CUX1: variants seen among roughly 807,000 people sequenced by gnomAD.
CUX1 encodes protein CASP.
CUX1 carries 31 observed loss-of-function variants against 158.8 expected under a neutral mutation model. The ratio of observed to expected loss-of-function variants is 0.20; its 90% confidence interval spans 0.15 to 0.26. CUX1 has a LOEUF of 0.26. CUX1 is among the 10% of genes least tolerant of loss of function. The pLI is 1.00. For missense variants in CUX1, 1,589 were observed against 2,014.6 expected, an observed-to-expected ratio of 0.79 and a Z score of 4.04; for synonymous variants, 879 against 862.1, an observed-to-expected ratio of 1.02 and a Z score of -0.34.
intron 1 of CUX1, among the ~76,000 whole-genome samples, chr7:101,904,117 A>AACACAAACACACACAC (rs1802476449): frequency 7.0e-6 from 1 of 143,768 alleles, no homozygotes; most frequent in African/African-American, 2.6e-5. Flanking sequence ...GTCTTTACAA[A>AACACAAACACACACAC]ACACACACAC....
chr7:101,915,512 G>T (rs1461112016), intron 1 of CUX1, among the ~76,000 whole-genome samples: 1 of 152,174 alleles, frequency 6.6e-6, no homozygotes, highest in Non-Finnish European at 1.5e-5. Flanking sequence ...CCTTTTAAAG[G>T]TCCCTCTTGA....
At chr7:102,176,489 C>T (rs923024560) in intron 10 of CUX1, among the ~76,000 whole-genome samples, 10 of 151,892 alleles carry the variant, frequency 6.6e-5, no homozygotes, top group Admixed American at 1.3e-4. Flanking sequence ...CCCCTGTCCC[C>T]GTCTGTCATG....
chr7:102,159,738 A>C (rs1180508499), intron 9 of CUX1, among the ~76,000 whole-genome samples: 1 of 151,830 alleles, frequency 6.6e-6, no homozygotes, highest in Non-Finnish European at 1.5e-5. Flanking sequence ...GCAGGCGCCT[A>C]TAATCTCAGC....
At chr7:102,105,200 CACACACACACACACAG>C (rs1830204560) in intron 6 of CUX1, among the ~76,000 whole-genome samples, 1 of 152,078 alleles carries the variant, frequency 6.6e-6, no homozygotes, top group South Asian at 2.1e-4. Context: ...CACACACACA[CACACACACACACACAG>C]ACTCTCTGAT....
At chr7:102,169,851 G>T (rs782607786) in intron 9 of CUX1, among the ~76,000 whole-genome samples, 14 of 152,142 alleles carry the variant, frequency 9.2e-5, no homozygotes, top group Non-Finnish European at 1.9e-4. Flanking sequence ...CCTCGGATTG[G>T]CCTGGTTGGC....
At chr7:102,092,077 A>G (rs1828640102) in intron 4 of CUX1, among the ~76,000 whole-genome samples, 1 of 152,224 alleles carries the variant, frequency 6.6e-6, no homozygotes, top group African/African-American at 2.4e-5. Flanking sequence ...TTGACAGGAA[A>G]AGAATTGCAT....
intron 8 of CUX1, among the ~76,000 whole-genome samples, chr7:102,143,908 G>A (rs1040546639): frequency 2.6e-5 from 4 of 151,868 alleles, no homozygotes; most frequent in East Asian, 3.9e-4. Context: ...TCAGCCTCCC[G>A]AGTAGCTGGA....
intron 2 of CUX1, among the ~76,000 whole-genome samples, chr7:101,917,434 C>T (rs577776650): frequency 1.2e-4 from 19 of 152,254 alleles, no homozygotes; most frequent in Admixed American, 5.9e-4. Context: ...ATCTCACACC[C>T]GCTGCTTGCC....
chr7:102,052,197 G>A (rs1170866686), intron 3 of CUX1, among the ~76,000 whole-genome samples: 1 of 152,054 alleles, frequency 6.6e-6, no homozygotes, highest in Non-Finnish European at 1.5e-5. Flanking sequence ...CTCCAGCCTG[G>A]GTAACAGAGT....
Position 102,249,253 on chromosome 7 carries a change from C to G in CUX1, c.*211C>G, listed in dbSNP as rs561513102. 85 of 1,074,914 alleles carry G rather than the reference C, an allele frequency of 7.9e-5. No individual in the cohort carries two copies. In the African/African-American group the frequency reaches 1.3e-3, roughly 16 times the overall value. The allele number at this position is 1,074,914 out of a possible 1,614,324, so 66.6% of individuals were successfully genotyped here. On this transcript the variant is annotated 3_prime_UTR_variant, in exon 24 of 24. Coordinates refer to ENST00000292535, the MANE Select transcript of CUX1 (RefSeq NM_181552.4). ...GATCCAAGGCCGCGGCCCAGACCCA[C>G]TCTGCGGCCCGGGCCGACCCTGCGG...
At chr7:102,225,061 A>G (rs1798209050) in intron 20 of CUX1, among the ~76,000 whole-genome samples, 1 of 152,168 alleles carries the variant, frequency 6.6e-6, no homozygotes, top group Non-Finnish European at 1.5e-5. Context: ...GGGGTTTTAT[A>G]TCCAGTTCTC....
At chr7:101,990,426 G>C (rs1313140984) in intron 2 of CUX1, among the ~76,000 whole-genome samples, 1 of 151,904 alleles carries the variant, frequency 6.6e-6, no homozygotes, top group Non-Finnish European at 1.5e-5. Flanking sequence ...ACCCAGGCTG[G>C]AGTGCAGTGG....
chr7:101,896,631 A>G (rs147849356), intron 1 of CUX1, among the ~76,000 whole-genome samples: 135 of 152,352 alleles, frequency 8.9e-4, no homozygotes, highest in African/African-American at 3.1e-3. Flanking sequence ...ACCGTCACTA[A>G]TATTTTTGGT....
At chr7:102,095,896 G>A (rs1554483946) in intron 4 of CUX1, among the ~76,000 whole-genome samples, 1 of 152,238 alleles carries the variant, frequency 6.6e-6, no homozygotes, top group Non-Finnish European at 1.5e-5. Flanking sequence ...CCAGCAGGCG[G>A]AATATAATTG....
chr7:101,846,300 C>T lies in CUX1; in HGVS notation c.30+28631C>T, dbSNP rs181273669. Among the ~76,000 whole-genome samples the T allele has an allele frequency of 1.2e-3, 176 of 152,144 alleles. 2 individuals are homozygous for T. The highest frequency in any genetic ancestry group is 2.9e-3 in the South Asian group (14 of 4,814). On this transcript the variant is annotated intron_variant, in intron 1 of 23. Coordinates refer to ENST00000292535, the MANE Select transcript of CUX1 (RefSeq NM_181552.4). ...ACAGGGGAGTTCCCGAGCCCTTTTCCAAGCCGCTTTTAAATGCAACTCCTT... is the reference window on the plus strand; with the variant it reads ...ACAGGGGAGTTCCCGAGCCCTTTTCTAAGCCGCTTTTAAATGCAACTCCTT...
chr7:101,911,889 C>T (rs1328859479), intron 1 of CUX1, among the ~76,000 whole-genome samples: 1 of 152,208 alleles, frequency 6.6e-6, no homozygotes, highest in African/African-American at 2.4e-5. Flanking sequence ...TGCCTCCTGA[C>T]ATCAGTCATC....
At chr7:102,105,821 A>AT (rs1297047391) in intron 6 of CUX1, among the ~76,000 whole-genome samples, 2 of 151,680 alleles carry the variant, frequency 1.3e-5, no homozygotes, top group Non-Finnish European at 2.9e-5. Context: ...CCTAGATTGG[A>AT]TTTTTTTAAA....
chr7:102,213,512 A>T (rs1236392317), intron 20 of CUX1, among the ~76,000 whole-genome samples: 2 of 152,200 alleles, frequency 1.3e-5, no homozygotes, highest in African/African-American at 2.4e-5. Flanking sequence ...TGGACCCTCC[A>T]TCCTGGTGCT....
At chr7:102,066,672 G>A (rs1486133905) in intron 3 of CUX1, among the ~76,000 whole-genome samples, 2 of 152,188 alleles carry the variant, frequency 1.3e-5, no homozygotes, top group Non-Finnish European at 2.9e-5. Flanking sequence ...GGTACGGACA[G>A]CAGCCAGGGC....
Sources: allele counts gnomAD v4.1 joint callset (sites outside exome capture counted in the v4.1 genomes callset), GRCh38; gene constraint gnomAD v4.1.1; transcripts MANE v1.5; gene names NCBI Gene and HGNC (gene_info 2026-07-23, HGNC 2026-07-21).